CPNE5: variants seen among roughly 807,000 people sequenced by gnomAD.
The protein encoded by CPNE5 is copine 5.
A neutral mutation model predicts 81.1 loss-of-function variants in CPNE5; 42 were observed. The ratio of observed to expected loss-of-function variants is 0.52; its 90% confidence interval spans 0.40 to 0.67. CPNE5 has a LOEUF of 0.67. Ranked by LOEUF, CPNE5 falls within the 30% of genes least tolerant of loss-of-function variation. CPNE5 has a pLI of 0.00. For synonymous variants in CPNE5, 313 were observed against 321.5 expected, an observed-to-expected ratio of 0.97 and a Z score of 0.28; for missense variants, 612 against 815.5, an observed-to-expected ratio of 0.75 and a Z score of 3.04.
chr6:36,806,800 C>T (rs911210910), intron 3 of CPNE5, among the ~76,000 whole-genome samples: 3 of 152,324 alleles, frequency 2.0e-5, no homozygotes, highest in East Asian at 1.9e-4. Context: ...TGCATGACTC[C>T]CGATCATGCA....
rs143261002 is a variant in CPNE5 at position 36,780,034 on chromosome 6, G to A, written c.529-1077C>T. On this transcript the variant is annotated intron_variant, in intron 8 of 20. Coordinates refer to ENST00000244751, the MANE Select transcript of CPNE5 (RefSeq NM_020939.2). ...GGCTGGAGTGCAGTGGCGCCATCTCGGCTCACTGCAAGCTCCGCCTCCCAG... is the reference window on the plus strand; with the variant it reads ...GGCTGGAGTGCAGTGGCGCCATCTCAGCTCACTGCAAGCTCCGCCTCCCAG... 1.1e-3 allele frequency among the ~76,000 whole-genome samples: 160 copies of A among 151,014 alleles called. 4 individuals are homozygous for A. The East Asian group carries it at 0.028, about 26-fold the overall frequency.
chr6:36,763,984 T>C (rs2063838971), intron 11 of CPNE5, among the ~76,000 whole-genome samples: 1 of 152,098 alleles, frequency 6.6e-6, no homozygotes, highest in African/African-American at 2.4e-5. Context: ...GTTGGCTCCT[T>C]TAACTTCCCC....
At chr6:36,808,901 G>A (rs236395) in intron 3 of CPNE5, among the ~76,000 whole-genome samples, 32,514 of 152,154 alleles carry the variant, frequency 0.21, 3,987 homozygotes, top group African/African-American at 0.29. Context: ...GCTAGCAGGC[G>A]ATAGGAACGG....
At chr6:36,800,157 CT>C in intron 3 of CPNE5, 87 bp from the exon 4 acceptor site, 1 of 850,048 alleles carries the variant, frequency 1.2e-6, no homozygotes, top group Non-Finnish European at 1.8e-6. Flanking sequence ...CTCAGAGCCC[CT>C]TAGTCCTGGT....
chr6:36,831,108 G>A (rs1421558806), intron 1 of CPNE5, among the ~76,000 whole-genome samples: 1 of 152,106 alleles, frequency 6.6e-6, no homozygotes, highest in Non-Finnish European at 1.5e-5. Flanking sequence ...AGGCTGGAGT[G>A]CAGTGGTGCA....
Position 36,746,338 on chromosome 6 carries a change from G to A in CPNE5, c.1200+58C>T, listed in dbSNP as rs1764159789. 4.4e-6 allele frequency: 4 copies of A among 899,658 alleles called. No homozygotes were observed. The highest frequency in any genetic ancestry group is 4.4e-5 in the East Asian group (1 of 22,476). 55.7% of individuals were successfully genotyped at this position (899,658 alleles called of 1,614,324 possible). ...GAAGGGAAACGTCCCCCCACCCCCA[G>A]CTTGTCACCTCACCCCCAGCCTGAT... On this transcript the variant is annotated intron_variant, in intron 16 of 20. Coordinates refer to ENST00000244751, the MANE Select transcript of CPNE5 (RefSeq NM_020939.2). This position sits in a 1 kb window ranked among gnomAD's most constrained non-coding sequence, Gnocchi z 4.5.
At chr6:36,780,003 T>C (rs1324613948) in intron 8 of CPNE5, among the ~76,000 whole-genome samples, 3 of 151,370 alleles carry the variant, frequency 2.0e-5, no homozygotes, top group South Asian at 2.1e-4. Flanking sequence ...TCTCACTCTG[T>C]TGCCAGGCTG....
chr6:36,820,167 G>A (rs1380471555), intron 3 of CPNE5, among the ~76,000 whole-genome samples: 1 of 151,976 alleles, frequency 6.6e-6, no homozygotes, highest in Non-Finnish European at 1.5e-5. Flanking sequence ...TCCCAGGACC[G>A]GACCCCTCAT....
At chr6:36,833,280 T>A (rs1296402045) in intron 1 of CPNE5, among the ~76,000 whole-genome samples, 2 of 152,316 alleles carry the variant, frequency 1.3e-5, no homozygotes, top group East Asian at 3.9e-4. Flanking sequence ...AAAATACTAC[T>A]ATCTATCTAT....
chr6:36,815,923 C>A (rs986598995), intron 3 of CPNE5, among the ~76,000 whole-genome samples: 1 of 152,220 alleles, frequency 6.6e-6, no homozygotes, highest in Non-Finnish European at 1.5e-5. Flanking sequence ...TTCCAAGAGG[C>A]CCTCAGCCAA....
At chr6:36,818,065 A>G (rs994496118) in intron 3 of CPNE5, among the ~76,000 whole-genome samples, 2 of 152,062 alleles carry the variant, frequency 1.3e-5, no homozygotes, top group African/African-American at 4.8e-5. Context: ...CAGCTCCTCC[A>G]CAGACTGAGG....
At position 36,744,296 on chromosome 6, in the gene CPNE5, G is replaced by A. The variant is rs774664671; in HGVS notation, c.1461C>T (p.Ile487=). The part of the protein sequence containing the change: ...NAAKLPMSII[I]VGVGQAEFDA... ...CGAACTCTGCCTGGCCCACGCCGAC[G>A]ATAATGATGGACATGGGGAGCTTGG... Residue 487 remains isoleucine (I), a synonymous_variant, in exon 19 of 21, where the codon ATC becomes ATT. Transcript: ENST00000244751. 4.7e-5 allele frequency: 75 copies of A among 1,583,972 alleles called. No homozygotes were observed. In the Admixed American group the frequency reaches 8.7e-4, roughly 18 times the overall value.
chr6:36,830,311 G>A (rs933196898), intron 1 of CPNE5, among the ~76,000 whole-genome samples: 19 of 152,120 alleles, frequency 1.2e-4, no homozygotes, highest in Admixed American at 4.6e-4. Flanking sequence ...TCAGCCTCTC[G>A]GAGCTGCTCC....
At chr6:36,796,473 T>G (rs1173485668) in intron 6 of CPNE5, among the ~76,000 whole-genome samples, 1 of 152,272 alleles carries the variant, frequency 6.6e-6, no homozygotes, top group Non-Finnish European at 1.5e-5. Context: ...GGCATCTCCA[T>G]CCTGGCAACC....
Position 36,742,045 on chromosome 6 carries a change from G to A in CPNE5, c.*223C>T. The A allele has an allele frequency of 7.3e-6, 4 of 548,432 alleles. No individual in the cohort carries two copies. The highest frequency in any genetic ancestry group is 2.9e-5 in the East Asian group (1 of 34,106). 34.0% of individuals were successfully genotyped at this position (548,432 alleles called of 1,614,324 possible). Reference sequence around the variant, plus strand: ...GGAAGAAGAGAAGGGCTGGGTCCCTGTGTACCCCTCTTTCACCCGTACCCC... The same window carrying A: ...GGAAGAAGAGAAGGGCTGGGTCCCTATGTACCCCTCTTTCACCCGTACCCC... On this transcript the variant is annotated 3_prime_UTR_variant, in exon 21 of 21. Transcript: ENST00000244751.
chr6:36,744,935 T>C, intron 18 of CPNE5, 113 bp downstream of exon 18: 1 of 734,788 alleles, frequency 1.4e-6, no homozygotes, highest in South Asian at 1.6e-5. Context: ...CACGCCCAAG[T>C]CATCTCCAAG....
chr6:36,808,724 T>C (rs976481271), intron 3 of CPNE5, among the ~76,000 whole-genome samples: 1 of 152,212 alleles, frequency 6.6e-6, no homozygotes, highest in Admixed American at 6.5e-5. Context: ...ATACTGATAG[T>C]AACCCTCACA....
intron 14 of CPNE5, among the ~76,000 whole-genome samples, chr6:36,749,922 CA>C (rs1764622231): frequency 6.6e-6 from 1 of 152,194 alleles, no homozygotes; most frequent in South Asian, 2.1e-4. Context: ...CCAGACAGAA[CA>C]AAGCTGACAA....
chr6:36,765,985 C>T lies in CPNE5; in HGVS notation c.738-609G>A, dbSNP rs567680972. On this transcript the variant is annotated intron_variant, in intron 10 of 20. Transcript: ENST00000244751. ...TAGTTTGTTTTGACTCCTATGCATG[C>T]GGATGGGCTTTGAGAGCCCATTTTA... Among the ~76,000 whole-genome samples the T allele has an allele frequency of 2.6e-4, 39 of 152,288 alleles. 1 individual carries two copies. In the South Asian group the frequency reaches 7.2e-3, roughly 28 times the overall value.
Sources: allele counts gnomAD v4.1 joint callset (sites outside exome capture counted in the v4.1 genomes callset), GRCh38; gene constraint gnomAD v4.1.1; non-coding constraint Gnocchi (gnomAD v3.1); transcripts MANE v1.5; gene names NCBI Gene and HGNC (gene_info 2026-07-23, HGNC 2026-07-21).